SCFD2: variants seen among roughly 807,000 people sequenced by gnomAD.
SCFD2 encodes the protein sec1 family domain containing 2.
In SCFD2, 54 loss-of-function variants were observed where a neutral mutation model predicts 58.9. The ratio of observed to expected loss-of-function variants is 0.92; its 90% CI spans 0.74 to 1.15. The LOEUF is 1.15. Ranked by LOEUF, SCFD2 falls within the 50% of genes most tolerant of loss-of-function variation. SCFD2 has a pLI of 0.00. For synonymous variants in SCFD2, 321 were observed against 335.9 expected, an observed-to-expected ratio of 0.96 and a Z score of 0.49; for missense variants, 805 against 836.6, an observed-to-expected ratio of 0.96 and a Z score of 0.47.
intron 5 of SCFD2, among the ~76,000 whole-genome samples, chr4:52,932,926 G>A (rs1720033950): frequency 6.6e-6 from 1 of 152,180 alleles, no homozygotes; most frequent in Non-Finnish European, 1.5e-5. Context: ...GAATTAGTGT[G>A]TAGGTTAGGC....
intron 4 of SCFD2, among the ~76,000 whole-genome samples, chr4:53,256,501 C>A (rs903836678): frequency 6.6e-6 from 1 of 152,158 alleles, no homozygotes; most frequent in African/African-American, 2.4e-5. Context: ...AGGCTGCAAT[C>A]TCGGCACTTT....
At chr4:52,902,396 A>T (rs1719225425) in intron 7 of SCFD2, among the ~76,000 whole-genome samples, 1 of 152,300 alleles carries the variant, frequency 6.6e-6, no homozygotes, top group African/African-American at 2.4e-5. Flanking sequence ...AGCACTCAGC[A>T]CTCTATGTCT....
intron 5 of SCFD2, among the ~76,000 whole-genome samples, chr4:53,122,186 G>A (rs1266396996): frequency 6.6e-6 from 1 of 152,052 alleles, no homozygotes; most frequent in Non-Finnish European, 1.5e-5. Context: ...AGACCAGCCT[G>A]GCCAACAAGG....
At chr4:52,893,775 A>G (rs1718936264) in intron 7 of SCFD2, among the ~76,000 whole-genome samples, 1 of 152,178 alleles carries the variant, frequency 6.6e-6, no homozygotes, top group Admixed American at 6.5e-5. Flanking sequence ...TATACTATTT[A>G]TTGAGCATCT....
At chr4:53,280,904 C>T (rs182538346) in intron 3 of SCFD2, among the ~76,000 whole-genome samples, 149 of 151,926 alleles carry the variant, frequency 9.8e-4, no homozygotes, top group African/African-American at 3.5e-3. Context: ...GAGATTTTTT[C>T]CCCATTATTT....
intron 2 of SCFD2, among the ~76,000 whole-genome samples, chr4:53,339,522 C>G (rs1278381842): frequency 6.6e-6 from 1 of 152,104 alleles, no homozygotes; most frequent in Non-Finnish European, 1.5e-5. Flanking sequence ...GTAATCCCAG[C>G]ACTTTGGGAG....
chr4:53,266,284 C>A (rs1344262862), intron 4 of SCFD2, among the ~76,000 whole-genome samples: 2 of 152,070 alleles, frequency 1.3e-5, no homozygotes, highest in Non-Finnish European at 2.9e-5. Context: ...ATATTTTTGA[C>A]CCAGCTGAAA....
intron 5 of SCFD2, among the ~76,000 whole-genome samples, chr4:53,064,197 G>T (rs1358773822): frequency 6.6e-6 from 1 of 151,988 alleles, no homozygotes; most frequent in African/African-American, 2.4e-5. Flanking sequence ...TGATGCTGAG[G>T]TTTGGGGTAC....
At chr4:52,968,543 G>A (rs1454124464) in intron 5 of SCFD2, among the ~76,000 whole-genome samples, 1 of 152,214 alleles carries the variant, frequency 6.6e-6, no homozygotes, top group Non-Finnish European at 1.5e-5. Flanking sequence ...AGCCGTGGTT[G>A]GCTGACATGG....
intron 1 of SCFD2, among the ~76,000 whole-genome samples, chr4:53,354,140 C>T (rs1474916171): frequency 6.6e-6 from 1 of 152,260 alleles, no homozygotes; most frequent in Admixed American, 6.5e-5. Flanking sequence ...GGGGACAGTG[C>T]CCGTTGGGGA....
intron 4 of SCFD2, among the ~76,000 whole-genome samples, chr4:53,237,700 A>G (rs1392081873): frequency 5.2e-5 from 5 of 96,498 alleles, no homozygotes; most frequent in South Asian, 4.2e-4. Context: ...GGGGCTCCTC[A>G]CTTCCCAGTA....
intron 2 of SCFD2, among the ~76,000 whole-genome samples, chr4:53,348,528 T>C (rs1348983057): frequency 2.0e-5 from 3 of 152,196 alleles, no homozygotes; most frequent in African/African-American, 4.8e-5. Flanking sequence ...TTCCAAGCAA[T>C]TGAAAAAAAC....
intron 5 of SCFD2, among the ~76,000 whole-genome samples, chr4:52,995,028 A>G (rs1721710528): frequency 6.6e-6 from 1 of 152,160 alleles, no homozygotes; most frequent in South Asian, 2.1e-4. Flanking sequence ...TCCATGAATC[A>G]GGGGGGTGGC....
intron 3 of SCFD2, among the ~76,000 whole-genome samples, chr4:53,277,881 T>C (rs1731376800): frequency 6.6e-6 from 1 of 151,392 alleles, no homozygotes; most frequent in African/African-American, 2.4e-5. Context: ...TGAAACCCCG[T>C]CCCTACTAAA....
intron 4 of SCFD2, among the ~76,000 whole-genome samples, chr4:53,193,731 C>T (rs1200662044): frequency 6.6e-6 from 1 of 152,038 alleles, no homozygotes; most frequent in African/African-American, 2.4e-5. Context: ...ATTTTTCTTG[C>T]CTTTTTAAAA....
intron 2 of SCFD2, among the ~76,000 whole-genome samples, chr4:53,346,185 T>A (rs749724994): frequency 1.8e-4 from 28 of 152,062 alleles, no homozygotes; most frequent in Non-Finnish European, 3.8e-4. Context: ...TCAACAATAG[T>A]AGACAATGAC....
intron 5 of SCFD2, among the ~76,000 whole-genome samples, chr4:52,983,955 T>A (rs1721433118): frequency 6.6e-6 from 1 of 152,230 alleles, no homozygotes; most frequent in Non-Finnish European, 1.5e-5. Context: ...GCCAAACATT[T>A]CTTTTCTGAA....
At chr4:53,146,179 G>A (rs12645999) in intron 4 of SCFD2, among the ~76,000 whole-genome samples, 39,310 of 151,948 alleles carry the variant, frequency 0.26, 6,160 homozygotes, top group Non-Finnish European at 0.35. Flanking sequence ...TAGATAACTC[G>A]CATTAAATTT....
At position 52,914,023 on chromosome 4, in the gene SCFD2, T is replaced by C. The variant is rs138711566; in HGVS notation, c.1708-6432A>G. Among the ~76,000 whole-genome samples the C allele has an allele frequency of 1.5e-3, 230 of 152,332 alleles. 8 individuals are homozygous for C. The East Asian group carries it at 0.041, about 27-fold the overall frequency. ...GTTTTGATTGGAACATTAATGTAAATATTTCCTTAACAACTGGCAAGCTGC... is the reference window on the plus strand; with the variant it reads ...GTTTTGATTGGAACATTAATGTAAACATTTCCTTAACAACTGGCAAGCTGC... On this transcript the variant is annotated intron_variant, in intron 6 of 8. Coordinates refer to ENST00000401642, the MANE Select transcript of SCFD2 (RefSeq NM_152540.4).
Sources: gnomAD v4.1 joint callset for allele counts (sites outside exome capture counted in the v4.1 genomes callset) on GRCh38, gnomAD v4.1.1 for gene constraint, MANE v1.5 for transcripts, NCBI Gene and HGNC (gene_info 2026-07-23, HGNC 2026-07-21) for gene names.